The following SLC9A2 variants were observed in gnomAD, a reference collection of about 807,000 sequenced individuals.
The protein encoded by SLC9A2 is sodium/hydrogen exchanger 2.
SLC9A2 carries 42 observed loss-of-function variants against 71.7 expected under a neutral mutation model. That is an observed-to-expected ratio of 0.59 (90% confidence interval 0.46 to 0.76). The LOEUF (loss-of-function observed/expected upper bound fraction) is 0.76. Ranked by LOEUF, SLC9A2 falls within the 30% of genes least tolerant of loss-of-function variation. SLC9A2 has a pLI of 0.00. For missense variants in SLC9A2, 829 were observed against 1,017.4 expected, an observed-to-expected ratio of 0.81 and a Z score of 2.52; for synonymous variants, 396 against 392.5, an observed-to-expected ratio of 1.01 and a Z score of -0.10.
chr2:102,626,714 AC>A (rs1409825787), intron 1 of SLC9A2, among the ~76,000 whole-genome samples: 5 of 149,010 alleles, frequency 3.4e-5, no homozygotes, highest in African/African-American at 1.3e-4. Context: ...AAGAACTCAA[AC>A]AAATTTACAA....
intron 1 of SLC9A2, among the ~76,000 whole-genome samples, chr2:102,642,046 A>G (rs1395611009): frequency 1.7e-5 from 1 of 59,458 alleles, no homozygotes; most frequent in African/African-American, 4.2e-5. Context: ...TTAAAATATA[A>G]TAATAATAAT....
chr2:102,700,270 G>A (rs932960283), intron 7 of SLC9A2, among the ~76,000 whole-genome samples: 2 of 152,180 alleles, frequency 1.3e-5, no homozygotes, highest in Admixed American at 6.5e-5. Flanking sequence ...AGAGGTTGGA[G>A]CTGGAGATAC....
intron 6 of SLC9A2, 112 bp from the exon 7 acceptor site, chr2:102,694,931 A>G: frequency 1.2e-6 from 1 of 844,274 alleles, no homozygotes; most frequent in East Asian, 2.5e-5. Context: ...ATAATAAACA[A>G]ATAAGAAGCA....
chr2:102,628,174 T>C (rs564850279), intron 1 of SLC9A2, among the ~76,000 whole-genome samples: 4 of 152,156 alleles, frequency 2.6e-5, no homozygotes, highest in Non-Finnish European at 5.9e-5. Context: ...TCATCTTTAA[T>C]ACAAATAATA....
chr2:102,649,443 G>A (rs111902533), intron 1 of SLC9A2, among the ~76,000 whole-genome samples: 57,355 of 152,008 alleles, frequency 0.38, 11,642 homozygotes, highest in East Asian at 0.68. Context: ...AACACCAAAA[G>A]CAATTGTAAC....
Position 102,708,173 on chromosome 2 carries a change from A to G in SLC9A2, c.2123A>G (p.Gln708Arg). 1.9e-6 allele frequency: 3 copies of G among 1,614,126 alleles called. No individual in the cohort carries two copies. Among genetic ancestry groups the G allele is most frequent in the Non-Finnish European group, 2.5e-6 (3 of 1,180,016 alleles). ...GCCGGGACCACCGTGCTCAATTTGC[A>G]GCCCAGAGCCAGGCGCTTCTTGCCA... ...ADAGTTVLNLQPRARRFLPEQ... is the reference protein window; with the variant it reads ...ADAGTTVLNLRPRARRFLPEQ... The change falls in exon 12 of 12, where the codon CAG becomes CGG. Residue 708 changes from glutamine (Q) to arginine (R), a missense_variant. Physicochemically the swap from Gln to Arg is conservative, Grantham distance 43. Around this residue, in one of 3 missense-constraint regions of SLC9A2, gnomAD observed 223 missense variants for 197.5 expected, o/e 1.13. Transcript: ENST00000233969.
At chr2:102,657,494 G>A in intron 1 of SLC9A2, 70 bp from the exon 2 acceptor site, 1 of 1,045,612 alleles carries the variant, frequency 9.6e-7, no homozygotes, top group Non-Finnish European at 1.4e-6. Context: ...TTCTATCAAA[G>A]GGAACCAATT....
At chr2:102,707,278 G>A (rs1432966722) in intron 11 of SLC9A2, among the ~76,000 whole-genome samples, 2 of 146,434 alleles carry the variant, frequency 1.4e-5, no homozygotes, top group Admixed American at 7.0e-5. Context: ...ATGTGGGATG[G>A]AAAAATCATT....
chr2:102,662,088 G>A (rs776771157), intron 2 of SLC9A2, among the ~76,000 whole-genome samples: 4 of 152,190 alleles, frequency 2.6e-5, no homozygotes, highest in Non-Finnish European at 5.9e-5. Flanking sequence ...TCCTACCTGA[G>A]ATATTAGCTC....
intron 5 of SLC9A2, among the ~76,000 whole-genome samples, chr2:102,691,051 C>T (rs1298655411): frequency 6.6e-6 from 1 of 151,702 alleles, no homozygotes; most frequent in East Asian, 1.9e-4. Flanking sequence ...TTGTTTTCCC[C>T]TCTGATATAA....
At chr2:102,622,822 G>A (rs1294603895) in intron 1 of SLC9A2, among the ~76,000 whole-genome samples, 1 of 152,318 alleles carries the variant, frequency 6.6e-6, no homozygotes, top group East Asian at 1.9e-4. Flanking sequence ...ACAGTTTCTA[G>A]CACTACAGAA....
intron 1 of SLC9A2, among the ~76,000 whole-genome samples, chr2:102,648,891 G>T (rs1676780329): frequency 6.6e-6 from 1 of 152,164 alleles, no homozygotes; most frequent in African/African-American, 2.4e-5. Context: ...TCAATATCAT[G>T]AAAATGTCTA....
At chr2:102,677,907 C>T (rs946235565) in intron 3 of SLC9A2, among the ~76,000 whole-genome samples, 1 of 152,204 alleles carries the variant, frequency 6.6e-6, no homozygotes, top group Non-Finnish European at 1.5e-5. Context: ...ATCTTCCCCT[C>T]CTCCAGCTAA....
At chr2:102,665,773 T>TAAAAAAAAAA (rs11426516) in intron 3 of SLC9A2, among the ~76,000 whole-genome samples, 2 of 38,772 alleles carry the variant, frequency 5.2e-5, no homozygotes, top group East Asian at 3.2e-3. Flanking sequence ...GACTCTGTCT[T>TAAAAAAAAAA]AAAAAAAAAA....
In SLC9A2 at chr2:102,705,940, G is replaced by T. The variant is rs1029026322; in HGVS notation, c.2068+4G>T. On this transcript the variant is annotated splice_donor_region_variant and intron_variant, in intron 11 of 11. Coordinates refer to ENST00000233969, the MANE Select transcript of SLC9A2 (RefSeq NM_003048.6). ...AGGAGGACTATTTCTATTGCAGGTA[G>T]TGAATATAGTTGGAGCAGAAAAATT... 6 of 1,544,140 alleles carry T rather than the reference G, an allele frequency of 3.9e-6. No homozygotes were observed. The Admixed American group carries it at 5.7e-5, about 15-fold the overall frequency.
At chr2:102,637,399 C>T (rs757840154) in intron 1 of SLC9A2, among the ~76,000 whole-genome samples, 6 of 152,180 alleles carry the variant, frequency 3.9e-5, no homozygotes, top group Non-Finnish European at 7.4e-5. Context: ...CCAGTGCCAT[C>T]GTTATTATTT....
chr2:102,701,047 A>G (rs939979777), intron 7 of SLC9A2, 23 bp from the exon 8 acceptor site: 2 of 1,515,914 alleles, frequency 1.3e-6, no homozygotes, highest in African/African-American at 1.4e-5. Context: ...GTATTAATTT[A>G]TTGAAAGTTT....
At chr2:102,655,455 A>G (rs1337765060) in intron 1 of SLC9A2, among the ~76,000 whole-genome samples, 1 of 152,124 alleles carries the variant, frequency 6.6e-6, no homozygotes, top group African/African-American at 2.4e-5. Context: ...CGCCTGGCCT[A>G]TACCCTTATT....
intron 1 of SLC9A2, among the ~76,000 whole-genome samples, chr2:102,656,283 C>A (rs138347930): frequency 7.9e-5 from 12 of 152,326 alleles, no homozygotes; most frequent in Non-Finnish European, 1.5e-4. Flanking sequence ...TGTTTTAAAG[C>A]CACATGGGCT....
Sources: allele counts gnomAD v4.1 joint callset (sites outside exome capture counted in the v4.1 genomes callset), GRCh38; gene constraint gnomAD v4.1.1; regional missense constraint gnomAD v4.1.1; transcripts MANE v1.5; gene names NCBI Gene and HGNC (gene_info 2026-07-23, HGNC 2026-07-21).